The following IMMP2L variants were observed in gnomAD, a reference collection of about 807,000 sequenced individuals.
IMMP2L encodes the protein inner mitochondrial membrane peptidase subunit 2, also known as mitochondrial inner membrane protease subunit 2.
A neutral mutation model predicts 19.3 loss-of-function variants in IMMP2L; 18 were observed. The observed-to-expected ratio is 0.93, with a 90% confidence interval of 0.64 to 1.38. IMMP2L has a LOEUF of 1.38. Ranked by LOEUF, IMMP2L falls within the 40% of genes most tolerant of loss-of-function variation. The pLI, the probability that IMMP2L is intolerant of heterozygous loss-of-function variation, is 0.00. For synonymous variants in IMMP2L, 76 were observed against 73.0 expected (o/e 1.04, Z -0.21); for missense variants, 233 against 218.2 (o/e 1.07, Z -0.43).
chr7:111,367,920 T>A (rs1829929069), intron 3 of IMMP2L, among the ~76,000 whole-genome samples: 1 of 151,876 alleles, frequency 6.6e-6, no homozygotes, highest in African/African-American at 2.4e-5. Context: ...CAACAAACGC[T>A]GTACATAAAA....
chr7:111,367,171 A>T (rs1026024621), intron 3 of IMMP2L, among the ~76,000 whole-genome samples: 3 of 151,726 alleles, frequency 2.0e-5, no homozygotes, highest in African/African-American at 7.3e-5. Context: ...AACTACCTAC[A>T]TGCTACATAT....
intron 3 of IMMP2L, among the ~76,000 whole-genome samples, chr7:111,277,834 A>G (rs1819269632): frequency 6.6e-6 from 1 of 152,176 alleles, no homozygotes; most frequent in Admixed American, 6.5e-5. Context: ...GAATCGACCT[A>G]AGTGCCCATC....
chr7:111,191,950 G>A (rs1808924410), intron 3 of IMMP2L, among the ~76,000 whole-genome samples: 1 of 151,996 alleles, frequency 6.6e-6, no homozygotes, highest in South Asian at 2.1e-4. Flanking sequence ...GCAGGAGCAG[G>A]AGTAGGAGGG....
chr7:110,835,356 T>C (rs1162185617), intron 5 of IMMP2L, among the ~76,000 whole-genome samples: 1 of 152,120 alleles, frequency 6.6e-6, no homozygotes, highest in Non-Finnish European at 1.5e-5. Context: ...TCCACTTACC[T>C]AATATGCGGT....
chr7:111,323,422 A>G (rs137862464), intron 3 of IMMP2L, among the ~76,000 whole-genome samples: 2,776 of 152,272 alleles, frequency 0.018, 42 homozygotes, highest in Middle Eastern at 0.034. Flanking sequence ...AGAGAAATGC[A>G]AATCAAAACC....
chr7:111,346,270 T>G lies in IMMP2L; in HGVS notation c.239+140968A>C, dbSNP rs1016609268. On this transcript the variant is annotated intron_variant, in intron 3 of 5. Transcript: ENST00000405709. Reference sequence around the variant, plus strand: ...TACTTGCTAGAGGCTATATTGGGAGTAACAAAGTCAGGAATTGAACCCATG... The same window carrying G: ...TACTTGCTAGAGGCTATATTGGGAGGAACAAAGTCAGGAATTGAACCCATG... Among the ~76,000 whole-genome samples, 6 of 152,072 alleles carry G rather than the reference T, an allele frequency of 3.9e-5. No homozygotes were observed. In the East Asian group the frequency reaches 1.2e-3, roughly 29 times the overall value.
intron 3 of IMMP2L, among the ~76,000 whole-genome samples, chr7:111,325,012 A>T (rs773382090): frequency 1.3e-5 from 2 of 151,802 alleles, no homozygotes. Context: ...CATTTCATTA[A>T]TTTCAATTCA....
intron 3 of IMMP2L, among the ~76,000 whole-genome samples, chr7:110,965,926 C>A (rs1179226257): frequency 6.6e-6 from 1 of 151,908 alleles, no homozygotes; most frequent in East Asian, 1.9e-4. Context: ...ACATAATAAT[C>A]ATACTTCCAG....
At chr7:111,422,093 T>C (rs1241556736) in intron 3 of IMMP2L, among the ~76,000 whole-genome samples, 1 of 151,832 alleles carries the variant, frequency 6.6e-6, no homozygotes, top group Non-Finnish European at 1.5e-5. Context: ...ATCTCTGTTT[T>C]GGTACCAGTA....
intron 5 of IMMP2L, among the ~76,000 whole-genome samples, chr7:110,732,312 T>C (rs530606702): frequency 6.6e-6 from 1 of 152,342 alleles, no homozygotes; most frequent in East Asian, 1.9e-4. Flanking sequence ...CCATTGATTA[T>C]TAGTAATAGC....
chr7:111,034,778 C>T (rs1791172106), intron 3 of IMMP2L, among the ~76,000 whole-genome samples: 1 of 152,108 alleles, frequency 6.6e-6, no homozygotes, highest in Admixed American at 6.5e-5. Context: ...ATGTGATCCT[C>T]TCAGAAACTT....
chr7:111,064,606 G>T (rs1026723413), intron 3 of IMMP2L, among the ~76,000 whole-genome samples: 5 of 152,070 alleles, frequency 3.3e-5, no homozygotes, highest in Admixed American at 1.3e-4. Flanking sequence ...TTTGCTTCCT[G>T]TTCCCACAGT....
rs779647877 is a variant in IMMP2L at position 111,257,099 on chromosome 7, TAAC to T, written c.239+230136_239+230138del. 3.3e-5 allele frequency among the ~76,000 whole-genome samples: 5 copies of T among 152,210 alleles called. No individual in the cohort carries two copies. In the East Asian group the frequency reaches 5.8e-4, roughly 18 times the overall value. ...ATCTTAATATAATCTAACCAGAAGA[TAAC>T]AACAAGTTTTCTCAGATTCTAAAAG... On this transcript the variant is annotated intron_variant, in intron 3 of 5. Coordinates refer to ENST00000405709, the MANE Select transcript of IMMP2L (RefSeq NM_032549.4).
chr7:111,059,195 G>A lies in IMMP2L; in HGVS notation c.240-95630C>T, dbSNP rs1166741474. On this transcript the variant is annotated intron_variant, in intron 3 of 5. Coordinates refer to ENST00000405709, the MANE Select transcript of IMMP2L (RefSeq NM_032549.4). ...GACAGGGTTTCACTATGTTGCCCAG[G>A]CTGGTCTCAAACTCCTGACCTTGTG... Among the ~76,000 whole-genome samples the A allele has an allele frequency of 3.3e-5, 5 of 152,112 alleles. No individual in the cohort carries two copies. The East Asian group carries it at 9.7e-4, about 30-fold the overall frequency.
chr7:111,241,369 G>C (rs903842050), intron 3 of IMMP2L, among the ~76,000 whole-genome samples: 5 of 151,920 alleles, frequency 3.3e-5, no homozygotes, highest in Non-Finnish European at 4.4e-5. Context: ...GATTTGCTTT[G>C]TAAAAATTTT....
intron 3 of IMMP2L, among the ~76,000 whole-genome samples, chr7:111,190,362 C>A (rs1332819827): frequency 6.6e-6 from 1 of 151,996 alleles, no homozygotes; most frequent in Non-Finnish European, 1.5e-5. Context: ...TCTAGCATTA[C>A]CAACATGCTA....
At chr7:111,028,815 C>T (rs965340382) in intron 3 of IMMP2L, among the ~76,000 whole-genome samples, 2 of 152,090 alleles carry the variant, frequency 1.3e-5, no homozygotes, top group South Asian at 2.1e-4. Context: ...AAATGACATA[C>T]ATCTGCATAT....
chr7:111,483,468 G>C (rs1842366392), intron 3 of IMMP2L: 1 of 152,080 alleles, frequency 6.6e-6, no homozygotes, highest in South Asian at 2.1e-4. Flanking sequence ...CTTGATGACA[G>C]CAAATCATAT....
At chr7:110,681,656 C>T (rs1792727177) in intron 5 of IMMP2L, among the ~76,000 whole-genome samples, 2 of 152,156 alleles carry the variant, frequency 1.3e-5, no homozygotes, top group South Asian at 2.1e-4. Context: ...ACATGCAAAG[C>T]ACACTGCAAG....
Sources: allele counts gnomAD v4.1 joint callset (sites outside exome capture counted in the v4.1 genomes callset), GRCh38; gene constraint gnomAD v4.1.1; transcripts MANE v1.5; gene names NCBI Gene and HGNC (gene_info 2026-07-23, HGNC 2026-07-21).